Variants in NEBL observed in about 807,000 individuals in gnomAD.
NEBL encodes the protein nebulette, also known as LIM and SH3 protein 2.
In NEBL, 122 loss-of-function variants were observed where a neutral mutation model predicts 140.2. The ratio of observed to expected loss-of-function variants is 0.87; its 90% CI spans 0.75 to 1.01. NEBL has a LOEUF of 1.01. Among genes scored for constraint, NEBL ranks in the 50% least tolerant of loss-of-function variants. The probability of loss-of-function intolerance (pLI) is 0.00; values close to 1 mark genes in which losing one functional copy is unlikely to be tolerated. For synonymous variants in NEBL, 436 were observed against 398.9 expected, an observed-to-expected ratio of 1.09 and a Z score of -1.11; for missense variants, 1,365 against 1,231.3, an observed-to-expected ratio of 1.11 and a Z score of -1.62.
At chr10:21,151,423 A>T (rs1840132369) in intron 2 of NEBL, among the ~76,000 whole-genome samples, 1 of 152,220 alleles carries the variant, frequency 6.6e-6, no homozygotes, top group South Asian at 2.1e-4. Context: ...ATTACAGTAA[A>T]TATGTGACTG....
In NEBL at chr10:21,226,578, C is replaced by G. The variant is rs143495720; in HGVS notation, n.348+21343G>C. Reference sequence around the variant, plus strand: ...AAATGCTGGGATGAGTGATGCCCCTCTGGCTAGGGCTCAATGCTCCCTCCG... The same window carrying G: ...AAATGCTGGGATGAGTGATGCCCCTGTGGCTAGGGCTCAATGCTCCCTCCG... On this transcript the variant is annotated intron_variant and non_coding_transcript_variant, in intron 3 of 8. Transcript: ENST00000675702. Among the ~76,000 whole-genome samples the G allele has an allele frequency of 3.5e-3, 535 of 152,320 alleles. 3 individuals carry two copies. Among genetic ancestry groups the G allele is most frequent in the African/African-American group, 0.012 (512 of 41,576 alleles).
Position 20,847,007 on chromosome 10 carries a change from GCCATAGCAAAGACA to G in NEBL, c.1117-1653_1117-1640del, listed in dbSNP as rs1363031134. Among the ~76,000 whole-genome samples the G allele has an allele frequency of 4.6e-5, 7 of 152,106 alleles. No individual in the cohort carries two copies. In the East Asian group the frequency reaches 1.4e-3, roughly 29 times the overall value. On this transcript the variant is annotated intron_variant, in intron 11 of 27. Coordinates refer to ENST00000377122, the MANE Select transcript of NEBL (RefSeq NM_006393.3). ...GAAAGTATGATAAACTTAATTATAG[GCCATAGCAAAGACA>G]CCAGTGGCTTTTCTTGGGATCATAA...
chr10:20,926,428 CT>C (rs1440947284), intron 4 of NEBL, among the ~76,000 whole-genome samples: 4 of 152,052 alleles, frequency 2.6e-5, no homozygotes, highest in Admixed American at 2.6e-4. Context: ...CTCATTTTTC[CT>C]TTTTTCAGTT....
chr10:20,869,910 T>A, intron 5 of NEBL, 69 bp from the exon 6 acceptor site: 1 of 1,012,064 alleles, frequency 9.9e-7, no homozygotes, highest in South Asian at 1.3e-5. Context: ...AGTCTTAGTG[T>A]TCATAACATT....
intron 2 of NEBL, among the ~76,000 whole-genome samples, chr10:21,146,913 G>A: frequency 6.6e-6 from 1 of 152,122 alleles, no homozygotes; most frequent in South Asian, 2.1e-4. Context: ...AGGCCTTAGG[G>A]TTTTAGTCAA....
chr10:20,991,252 C>A (rs762712922), intron 3 of NEBL, among the ~76,000 whole-genome samples: 2 of 151,666 alleles, frequency 1.3e-5, no homozygotes, highest in African/African-American at 2.4e-5. Flanking sequence ...ACATTTATAA[C>A]TGTCAAGCCC....
chr10:21,166,094 C>T (rs1840749644), intron 2 of NEBL, among the ~76,000 whole-genome samples: 1 of 151,672 alleles, frequency 6.6e-6, no homozygotes, highest in Non-Finnish European at 1.5e-5. Context: ...GTGGCGGGCG[C>T]CTGAAGTCCC....
At chr10:20,821,083 T>A (rs1839265839) in intron 19 of NEBL, among the ~76,000 whole-genome samples, 2 of 152,172 alleles carry the variant, frequency 1.3e-5, no homozygotes, top group Admixed American at 1.3e-4. Flanking sequence ...TTAATCTGTA[T>A]CAAGCTTGAA....
At chr10:21,164,842 G>T (rs1202482171) in intron 2 of NEBL, among the ~76,000 whole-genome samples, 1 of 152,052 alleles carries the variant, frequency 6.6e-6, no homozygotes, top group African/African-American at 2.4e-5. Flanking sequence ...AACCCAAAAA[G>T]AAAAAAGAAA....
chr10:21,008,735 T>G (rs115639800), intron 3 of NEBL, among the ~76,000 whole-genome samples: 1,665 of 152,290 alleles, frequency 0.011, 27 homozygotes, highest in African/African-American at 0.038. Context: ...GCCTAATTTA[T>G]AAATTAAGCT....
intron 13 of NEBL, among the ~76,000 whole-genome samples, chr10:20,839,829 C>T (rs1295580281): frequency 1.3e-5 from 2 of 152,074 alleles, no homozygotes; most frequent in African/African-American, 4.8e-5. Context: ...AAGGGATGTT[C>T]ACTTCCCATT....
rs531243533 is a variant in NEBL at position 21,153,454 on chromosome 10, T to A, written c.164+18929A>T. 2.5e-3 allele frequency among the ~76,000 whole-genome samples: 373 copies of A among 151,624 alleles called. 3 individuals carry two copies. The highest frequency in any genetic ancestry group is 4.6e-3 in the Non-Finnish European group (315 of 67,908). On this transcript the variant is annotated intron_variant, in intron 2 of 6. Coordinates refer to the NEBL transcript ENST00000417816. ...TCCAGCCTCAGCCTCCTCAGCCTCC[T>A]GAATAGCTGGGATTACAGGTGCCCA...
At chr10:20,950,986 G>C (rs1034504832) in intron 4 of NEBL, among the ~76,000 whole-genome samples, 1 of 152,018 alleles carries the variant, frequency 6.6e-6, no homozygotes, top group South Asian at 2.1e-4. Flanking sequence ...ATATTCCTTT[G>C]TGGCCTGGTA....
At chr10:20,944,618 C>T (rs769187183) in intron 4 of NEBL, among the ~76,000 whole-genome samples, 1 of 152,172 alleles carries the variant, frequency 6.6e-6, no homozygotes, top group Non-Finnish European at 1.5e-5. Context: ...CTCACACCTG[C>T]CAACCTGAGA....
At chr10:20,856,299 CTGT>C (rs1843067535) in intron 9 of NEBL, among the ~76,000 whole-genome samples, 1 of 152,110 alleles carries the variant, frequency 6.6e-6, no homozygotes, top group East Asian at 1.9e-4. Context: ...ATTTTTTTCT[CTGT>C]TATTATAAAA....
intron 18 of NEBL, among the ~76,000 whole-genome samples, chr10:20,824,269 A>G (rs1839627746): frequency 6.6e-6 from 1 of 152,216 alleles, no homozygotes; most frequent in African/African-American, 2.4e-5. Flanking sequence ...TACATGAAAC[A>G]TGTTTCAGAA....
rs9732969 is a variant in NEBL, at chr10:21,149,440, G to A, written c.164+22943C>T. Among the ~76,000 whole-genome samples the A allele has an allele frequency of 4.2e-3, 646 of 152,184 alleles. 5 individuals are homozygous for A. The highest frequency in any genetic ancestry group is 0.015 in the African/African-American group (602 of 41,510). Reference sequence around the variant, plus strand: ...TGAGTAGCTGGGACTACAGGTGCCTGCCACCACACCCAGATAATTTTTATA... The same window carrying A: ...TGAGTAGCTGGGACTACAGGTGCCTACCACCACACCCAGATAATTTTTATA... On this transcript the variant is annotated intron_variant, in intron 2 of 6. Transcript: ENST00000417816.
intron 1 of NEBL, among the ~76,000 whole-genome samples, chr10:21,275,521 C>T (rs1842909894): frequency 6.6e-6 from 1 of 152,142 alleles, no homozygotes; most frequent in African/African-American, 2.4e-5. Flanking sequence ...CTCTGTTTTT[C>T]GTGTCCTCAC....
chr10:21,109,258 A>G (rs1240372042), intron 2 of NEBL, among the ~76,000 whole-genome samples: 1 of 152,090 alleles, frequency 6.6e-6, no homozygotes, highest in Non-Finnish European at 1.5e-5. Context: ...TGAGAGAATC[A>G]TGTGGTTTTT....
Sources: gnomAD v4.1 joint callset for allele counts (sites outside exome capture counted in the v4.1 genomes callset) on GRCh38, gnomAD v4.1.1 for gene constraint, MANE v1.5 for transcripts, NCBI Gene and HGNC (gene_info 2026-07-23, HGNC 2026-07-21) for gene names.